The following MAML3 variants were observed in gnomAD, a reference collection of about 807,000 sequenced individuals.
MAML3 encodes the protein mastermind-like protein 3.
A neutral mutation model predicts 101.9 loss-of-function variants in MAML3; 27 were observed. The ratio of observed to expected loss-of-function variants is 0.27; its 90% confidence interval spans 0.20 to 0.37. The LOEUF (loss-of-function observed/expected upper bound fraction) is 0.37, where lower values mean the gene tolerates loss of function less well. MAML3 is among the 10% of genes least tolerant of loss of function. The pLI, the probability that MAML3 is intolerant of heterozygous loss-of-function variation, is 1.00. For missense variants in MAML3, 1,316 were observed against 1,444.9 expected (o/e 0.91, Z 1.45); for synonymous variants, 501 against 555.9 (o/e 0.90, Z 1.39).
At chr4:139,792,993 G>A (rs1177188028) in intron 2 of MAML3, among the ~76,000 whole-genome samples, 3 of 151,978 alleles carry the variant, frequency 2.0e-5, no homozygotes, top group Non-Finnish European at 2.9e-5. Context: ...TGATCCGCCC[G>A]CCTCGGCCTC....
intron 1 of MAML3, among the ~76,000 whole-genome samples, chr4:140,000,409 T>G (rs1229328801): frequency 1.3e-5 from 2 of 151,814 alleles, no homozygotes; most frequent in African/African-American, 4.8e-5. Flanking sequence ...CATCATCAAC[T>G]AAAACTCACC....
intron 4 of MAML3, 92 bp downstream of exon 4, chr4:139,725,659 A>G: frequency 8.0e-7 from 1 of 1,254,480 alleles, no homozygotes; most frequent in East Asian, 2.4e-5. Context: ...CCTGGACACA[A>G]ATACAGCCAG....
intron 2 of MAML3, among the ~76,000 whole-genome samples, chr4:139,816,391 G>T (rs1730892920): frequency 1.3e-5 from 2 of 152,194 alleles, no homozygotes; most frequent in South Asian, 2.1e-4. Context: ...GCTGCCTTTT[G>T]TAAGAATCCC....
At chr4:140,008,548 C>T (rs1726495375) in intron 1 of MAML3, among the ~76,000 whole-genome samples, 1 of 152,126 alleles carries the variant, frequency 6.6e-6, no homozygotes, top group African/African-American at 2.4e-5. Flanking sequence ...CGAAGTGGAA[C>T]TGTGAGCTGG....
At chr4:139,734,925 G>A (rs1728873027) in intron 2 of MAML3, among the ~76,000 whole-genome samples, 1 of 152,246 alleles carries the variant, frequency 6.6e-6, no homozygotes, top group Non-Finnish European at 1.5e-5. Flanking sequence ...TTTTCCAGGC[G>A]TCCCTCGCCG....
In MAML3 at chr4:139,963,075, G is replaced by A. The variant is rs545213175; in HGVS notation, c.469-72108C>T. 4.1e-4 allele frequency among the ~76,000 whole-genome samples: 62 copies of A among 152,136 alleles called. 1 individual carries two copies. The highest frequency in any genetic ancestry group is 1.4e-3 in the African/African-American group (57 of 41,500). On this transcript the variant is annotated intron_variant, in intron 1 of 4. Coordinates refer to ENST00000509479, the MANE Select transcript of MAML3 (RefSeq NM_018717.5). ...CCTGGAAGAAAGAGCTCTTCAGATC[G>A]TTTTGGGAATGAAGTTAGTGAAGAG...
chr4:139,868,218 C>T (rs927023660), intron 2 of MAML3, among the ~76,000 whole-genome samples: 2 of 152,174 alleles, frequency 1.3e-5, no homozygotes, highest in Non-Finnish European at 2.9e-5. Context: ...GTGCAATCAA[C>T]TGTGCAAGTT....
At chr4:139,852,776 C>A (rs1214684536) in intron 2 of MAML3, among the ~76,000 whole-genome samples, 1 of 152,072 alleles carries the variant, frequency 6.6e-6, no homozygotes, top group African/African-American at 2.4e-5. Context: ...GTAATCCATT[C>A]CAGGAACGTC....
At chr4:139,730,171 C>G in intron 3 of MAML3, 1 of 568,160 alleles carries the variant, frequency 1.8e-6, no homozygotes, top group Non-Finnish European at 3.1e-6. Context: ...AGAAATGTCT[C>G]TGGCACACAG....
chr4:140,142,458 C>T (rs879724511), intron 1 of MAML3, among the ~76,000 whole-genome samples: 63 of 152,306 alleles, frequency 4.1e-4, no homozygotes, highest in African/African-American at 1.5e-3. Flanking sequence ...AATGAATAGA[C>T]AAAGTCCCTG....
At chr4:139,918,123 G>A (rs1733059476) in intron 1 of MAML3, among the ~76,000 whole-genome samples, 1 of 151,970 alleles carries the variant, frequency 6.6e-6, no homozygotes, top group Admixed American at 6.6e-5. Flanking sequence ...CTGGACTCTT[G>A]CGCTATTGTT....
At chr4:139,725,699 T>C in intron 4 of MAML3, 52 bp downstream of exon 4, 1 of 1,554,414 alleles carries the variant, frequency 6.4e-7, no homozygotes, top group Non-Finnish European at 8.9e-7. Context: ...ACACATTCAC[T>C]TACGCTTCAC....
intron 1 of MAML3, among the ~76,000 whole-genome samples, chr4:139,907,665 A>T (rs1319392894): frequency 6.6e-6 from 1 of 152,222 alleles, no homozygotes; most frequent in Non-Finnish European, 1.5e-5. Flanking sequence ...CAAAAGATGC[A>T]CAAGTCTCCT....
chr4:140,028,223 G>C (rs1012873397), intron 1 of MAML3, among the ~76,000 whole-genome samples: 3 of 152,286 alleles, frequency 2.0e-5, no homozygotes, highest in African/African-American at 4.8e-5. Flanking sequence ...CAACACTGGA[G>C]CATAGATGAA....
intron 1 of MAML3, among the ~76,000 whole-genome samples, chr4:139,931,337 CA>C (rs1733389700): frequency 6.6e-6 from 1 of 152,130 alleles, no homozygotes; most frequent in South Asian, 2.1e-4. Flanking sequence ...GTAACCCAAG[CA>C]AGTCTATCGT....
At chr4:139,842,309 T>C (rs1731376464) in intron 2 of MAML3, among the ~76,000 whole-genome samples, 1 of 152,238 alleles carries the variant, frequency 6.6e-6, no homozygotes, top group African/African-American at 2.4e-5. Flanking sequence ...ACCTGCTTTT[T>C]AATAAAACAA....
chr4:139,852,902 T>C (rs554029570), intron 2 of MAML3, among the ~76,000 whole-genome samples: 2 of 152,336 alleles, frequency 1.3e-5, no homozygotes, highest in Non-Finnish European at 2.9e-5. Context: ...CCTTTACCAG[T>C]TGGGCAATCT....
intron 1 of MAML3, among the ~76,000 whole-genome samples, chr4:140,086,194 C>T (rs1261781967): frequency 6.6e-6 from 1 of 152,186 alleles, no homozygotes; most frequent in East Asian, 1.9e-4. Flanking sequence ...CAAAGTTGCT[C>T]TAAGGCGGGA....
intron 1 of MAML3, among the ~76,000 whole-genome samples, chr4:140,125,864 C>T (rs769577609): frequency 1.4e-4 from 22 of 152,138 alleles, no homozygotes; most frequent in South Asian, 2.1e-4. Context: ...CTGCAACCTC[C>T]GCCTCCCGGA....
Sources: allele counts gnomAD v4.1 joint callset (sites outside exome capture counted in the v4.1 genomes callset), GRCh38; gene constraint gnomAD v4.1.1; transcripts MANE v1.5; gene names NCBI Gene and HGNC (gene_info 2026-07-23, HGNC 2026-07-21).